The following LRP1B variants were observed in gnomAD, a reference collection of about 807,000 sequenced individuals.
LRP1B encodes the protein low-density lipoprotein receptor-related protein 1B.
Under a neutral mutation model 556.6 loss-of-function variants are expected in LRP1B, and 217 were observed. That is an observed-to-expected ratio of 0.39 (90% confidence interval 0.35 to 0.44). The LOEUF (loss-of-function observed/expected upper bound fraction) is 0.44. Among genes scored for constraint, LRP1B ranks in the 20% least tolerant of loss-of-function variants. LRP1B has a pLI of 1.00. For synonymous variants in LRP1B, 2,047 were observed against 1,865.8 expected, an observed-to-expected ratio of 1.10 and a Z score of -2.50; for missense variants, 5,053 against 5,620.8, an observed-to-expected ratio of 0.90 and a Z score of 3.23.
intron 45 of LRP1B, among the ~76,000 whole-genome samples, chr2:140,538,053 A>C (rs1679994296): frequency 6.6e-6 from 1 of 152,146 alleles, no homozygotes; most frequent in Non-Finnish European, 1.5e-5. Context: ...CTAATGAAAG[A>C]ATATAGCTTA....
At position 141,958,603 on chromosome 2, in the gene LRP1B, C is replaced by T. The variant is rs72986547; in HGVS notation, c.83-148202G>A. 3.5e-3 allele frequency among the ~76,000 whole-genome samples: 539 copies of T among 152,056 alleles called. 7 individuals are homozygous for T. The highest frequency in any genetic ancestry group is 0.012 in the African/African-American group (510 of 41,514). ...GTGTCTTAGAAAGAATATAATTGTT[C>T]TGTGATTTTTTAATCAAGCTGCTTT... On this transcript the variant is annotated intron_variant, in intron 1 of 90. Transcript: ENST00000389484.
chr2:141,238,763 A>G (rs1413820811), intron 5 of LRP1B, among the ~76,000 whole-genome samples: 3 of 152,122 alleles, frequency 2.0e-5, no homozygotes, highest in Non-Finnish European at 4.4e-5. Context: ...GGGTTTGAGA[A>G]AAAGAGTGCA....
intron 1 of LRP1B, among the ~76,000 whole-genome samples, chr2:141,838,069 T>C (rs1204023759): frequency 1.3e-5 from 2 of 152,066 alleles, no homozygotes; most frequent in African/African-American, 4.8e-5. Flanking sequence ...TAACCCACAA[T>C]CTCTTATCTC....
At position 141,049,313 on chromosome 2, in the gene LRP1B, GT is replaced by G; in HGVS notation, c.1553-92del. On this transcript the variant is annotated intron_variant, in intron 10 of 90. Transcript: ENST00000389484. ...CCACCGTTTAACTGGCACAATTAGC[GT>G]TTTTTAAATTCAATGCTAAAAATTA... 9 of 824,434 alleles carry G rather than the reference GT, an allele frequency of 1.1e-5. No homozygotes were observed. In the South Asian group the frequency reaches 1.5e-4, roughly 13 times the overall value. 51.1% of individuals were successfully genotyped at this position (824,434 alleles called of 1,614,324 possible). A position where few individuals can be genotyped will look rare whatever the true frequency, so the allele number is the denominator to read the frequency against.
intron 2 of LRP1B, among the ~76,000 whole-genome samples, chr2:141,733,879 T>C (rs1229138438): frequency 6.6e-6 from 1 of 152,148 alleles, no homozygotes; most frequent in African/African-American, 2.4e-5. Flanking sequence ...TTTTTCCACT[T>C]CTGTGATGTA....
intron 3 of LRP1B, among the ~76,000 whole-genome samples, chr2:141,394,734 T>TA (rs902244284): frequency 7.3e-5 from 11 of 151,652 alleles, no homozygotes; most frequent in South Asian, 6.2e-4. Flanking sequence ...ACTTTAAAAA[T>TA]AAAAAAAAAT....
chr2:141,918,877 TG>T (rs1192788684), intron 1 of LRP1B, among the ~76,000 whole-genome samples: 2 of 152,094 alleles, frequency 1.3e-5, no homozygotes, highest in African/African-American at 4.8e-5. Flanking sequence ...GTGGTTTGCT[TG>T]GGGTACAATA....
At chr2:141,758,165 T>G (rs1011686344) in intron 2 of LRP1B, among the ~76,000 whole-genome samples, 11 of 152,304 alleles carry the variant, frequency 7.2e-5, no homozygotes, top group African/African-American at 2.4e-4. Context: ...GGAGCAAAAT[T>G]TATCTTTTCT....
At position 141,767,756 on chromosome 2, in the gene LRP1B, C is replaced by T. The variant is rs1403268446; in HGVS notation, c.205+42523G>A. On this transcript the variant is annotated intron_variant, in intron 2 of 90. Coordinates refer to ENST00000389484, the MANE Select transcript of LRP1B (RefSeq NM_018557.3). ...AGAGAATTGAGAAAACATATTTTCC[C>T]CTATTTCAAGTTCAATCCACAGGAG... Among the ~76,000 whole-genome samples the T allele has an allele frequency of 2.6e-5, 4 of 152,072 alleles. No individual in the cohort carries two copies. The East Asian group carries it at 7.7e-4, about 29-fold the overall frequency.
At chr2:140,325,700 T>C (rs906962591) in intron 80 of LRP1B, 62 bp downstream of exon 80, 2 of 1,094,790 alleles carry the variant, frequency 1.8e-6, no homozygotes, top group East Asian at 2.4e-5. Context: ...ACTTACATTT[T>C]TGTATTAGTA....
rs756513225 is a variant in LRP1B, at chr2:140,501,827, T to A, written c.8710A>T (p.Ile2904Phe). 2.2e-5 allele frequency: 36 copies of A among 1,610,220 alleles called. No individual in the cohort carries two copies. The highest frequency in any genetic ancestry group is 8.5e-7 in the Non-Finnish European group (1 of 1,177,940). ...TTGTCGCAAAGACCTCCACTGGGAA[T>A]GCACCTGCCATTTTTGCACATAAAA... ...SFFMCKNGRC[I>F]PSGGLCDNKD... The change falls in exon 55 of 91, where the codon ATT becomes TTT. Residue 2904 changes from isoleucine to phenylalanine, a missense_variant. Around this residue, in one of 5 missense-constraint regions of LRP1B, gnomAD observed 3,619 missense variants for 3,931.9 expected, o/e 0.92. Coordinates refer to ENST00000389484, the MANE Select transcript of LRP1B (RefSeq NM_018557.3).
intron 2 of LRP1B, among the ~76,000 whole-genome samples, chr2:141,511,679 A>G (rs1282186060): frequency 6.6e-6 from 1 of 152,202 alleles, no homozygotes; most frequent in Non-Finnish European, 1.5e-5. Flanking sequence ...GTGCTTGCTC[A>G]GTGCGTAAAC....
intron 13 of LRP1B, among the ~76,000 whole-genome samples, chr2:141,014,434 C>T (rs1293378100): frequency 6.6e-6 from 1 of 151,946 alleles, no homozygotes; most frequent in Non-Finnish European, 1.5e-5. Flanking sequence ...AGTTTAAGTC[C>T]AGTTTCACAT....
chr2:140,648,483 A>T (rs1164683036), intron 41 of LRP1B, among the ~76,000 whole-genome samples: 1 of 152,080 alleles, frequency 6.6e-6, no homozygotes, highest in African/African-American at 2.4e-5. Flanking sequence ...TGAAATAAAC[A>T]TGGTACTGAG....
intron 66 of LRP1B, among the ~76,000 whole-genome samples, chr2:140,426,918 GC>G (rs1685684257): frequency 6.6e-6 from 1 of 152,078 alleles, no homozygotes; most frequent in Non-Finnish European, 1.5e-5. Context: ...AGACCAACCA[GC>G]CCAAGAAACA....
At chr2:140,750,733 G>A (rs201491201) in intron 35 of LRP1B, among the ~76,000 whole-genome samples, 11 of 152,078 alleles carry the variant, frequency 7.2e-5, no homozygotes, top group African/African-American at 2.7e-4. Context: ...TGCACTTCAT[G>A]AGACTCTATT....
intron 3 of LRP1B, among the ~76,000 whole-genome samples, chr2:141,323,250 G>A (rs938547834): frequency 1.2e-4 from 19 of 152,036 alleles, no homozygotes; most frequent in African/African-American, 4.3e-4. Flanking sequence ...TAGTTCCATA[G>A]TACCTTCAAT....
chr2:141,370,054 C>G (rs1005855479), intron 3 of LRP1B, among the ~76,000 whole-genome samples: 7 of 152,138 alleles, frequency 4.6e-5, no homozygotes, highest in African/African-American at 1.7e-4. Context: ...TGATAAGACA[C>G]TTAGCTTGAT....
intron 27 of LRP1B, among the ~76,000 whole-genome samples, chr2:140,866,476 A>G (rs946606969): frequency 6.6e-6 from 1 of 152,130 alleles, no homozygotes; most frequent in Admixed American, 6.6e-5. Flanking sequence ...AGTCAAGAGT[A>G]GAAGAAAAAA....
Sources: gnomAD v4.1 joint callset for allele counts (sites outside exome capture counted in the v4.1 genomes callset) on GRCh38, gnomAD v4.1.1 for gene constraint, gnomAD v4.1.1 regional missense constraint, MANE v1.5 for transcripts, NCBI Gene and HGNC (gene_info 2026-07-23, HGNC 2026-07-21) for gene names.